Variants in RPN2 observed in about 807,000 individuals in gnomAD.
The protein encoded by RPN2 is ribophorin II.
In RPN2, 29 loss-of-function variants were observed where a neutral mutation model predicts 71.4. The observed-to-expected ratio is 0.41, with a 90% CI of 0.30 to 0.55. RPN2 has a LOEUF of 0.55. RPN2 is among the 20% of genes least tolerant of loss of function. The probability of loss-of-function intolerance (pLI) is 0.35; values close to 1 mark genes in which losing one functional copy is unlikely to be tolerated. For missense variants in RPN2, 726 were observed against 774.1 expected (o/e 0.94, Z 0.74); for synonymous variants, 308 against 305.0 (o/e 1.01, Z -0.10).
chr20:37,230,966 T>C (rs2068228066), intron 13 of RPN2, among the ~76,000 whole-genome samples: 1 of 151,674 alleles, frequency 6.6e-6, no homozygotes, highest in Non-Finnish European at 1.5e-5. Context: ...AACAGGAGGC[T>C]CAAGTGGGGC....
chr20:37,230,372 T>A (rs1469915109), intron 13 of RPN2, among the ~76,000 whole-genome samples: 1 of 152,216 alleles, frequency 6.6e-6, no homozygotes, highest in Non-Finnish European at 1.5e-5. Context: ...TTCTAGCGTT[T>A]ATCCTCCCTG....
At chr20:37,239,713 A>C (rs1442360601) in intron 16 of RPN2, among the ~76,000 whole-genome samples, 1 of 152,110 alleles carries the variant, frequency 6.6e-6, no homozygotes, top group East Asian at 1.9e-4. Flanking sequence ...CCACCACCTC[A>C]GTCAAGATAT....
chr20:37,192,371 T>G (rs532649056), intron 2 of RPN2, among the ~76,000 whole-genome samples: 3 of 152,306 alleles, frequency 2.0e-5, no homozygotes, highest in African/African-American at 7.2e-5. Flanking sequence ...TCATTATCCA[T>G]TGAGAGTACC....
rs768577616 is a variant in RPN2 at position 37,210,162 on chromosome 20, T to C, written c.983T>C (p.Val328Ala). The C allele has an allele frequency of 6.2e-7, 1 of 1,613,978 alleles. No homozygotes were observed. Among genetic ancestry groups the C allele is most frequent in the East Asian group, 2.2e-5 (1 of 44,886 alleles). Residue 328 changes from valine (V) to alanine (A), a missense_variant, in exon 8 of 17, where the codon GTA becomes GCA. Coordinates refer to ENST00000237530, the MANE Select transcript of RPN2 (RefSeq NM_002951.5). ...CTCCAGAAGACATCCTTCACCCCTG[T>C]AGGGTAAGTCCTGATCATATTTTGG... ...TVLQKTSFTP[V>A]GDVFELNFMN...
chr20:37,209,964 A>G, intron 7 of RPN2, 83 bp from the exon 8 acceptor site: 1 of 1,588,816 alleles, frequency 6.3e-7, no homozygotes, highest in Non-Finnish European at 8.5e-7. Flanking sequence ...AGAGCTTGCA[A>G]CCTATAGATA....
chr20:37,234,510 C>A (rs1198223131), intron 15 of RPN2, among the ~76,000 whole-genome samples: 2 of 152,208 alleles, frequency 1.3e-5, no homozygotes, highest in African/African-American at 4.8e-5. Flanking sequence ...AGAAAACAGT[C>A]CTTTCCACAG....
intron 9 of RPN2, among the ~76,000 whole-genome samples, chr20:37,217,680 G>A (rs1300678748): frequency 6.6e-6 from 1 of 151,968 alleles, no homozygotes; most frequent in Non-Finnish European, 1.5e-5. Context: ...TTTCCACATT[G>A]CAGGCCCTTC....
At position 37,236,575 on chromosome 20, in the gene RPN2, T is replaced by G. The variant is rs1449559724; in HGVS notation, c.1754-5T>G. ...AATTGGATGTCATGACACCTCTTCT[T>G]GCAGCTATGCTGGGACTCATGTATG... On this transcript the variant is annotated splice_region_variant and splice_polypyrimidine_tract_variant and intron_variant, in intron 15 of 16. Transcript: ENST00000237530. 2 of 1,614,096 alleles carry G rather than the reference T, an allele frequency of 1.2e-6. No individual in the cohort carries two copies. The highest frequency in any genetic ancestry group is 1.7e-6 in the Non-Finnish European group (2 of 1,179,976).
At chr20:37,220,952 G>T (rs1293075757) in intron 9 of RPN2, among the ~76,000 whole-genome samples, 1 of 152,108 alleles carries the variant, frequency 6.6e-6, no homozygotes, top group Non-Finnish European at 1.5e-5. Context: ...TTAAAATTGG[G>T]GCTGAGAGCA....
chr20:37,230,215 G>A (rs901982352), intron 13 of RPN2, among the ~76,000 whole-genome samples, 156 bp downstream of exon 13: 2 of 152,182 alleles, frequency 1.3e-5, no homozygotes, highest in African/African-American at 2.4e-5. Flanking sequence ...CCCCATCCTT[G>A]AACTGAGAAA....
chr20:37,198,628 T>TTC, intron 3 of RPN2, 136 bp downstream of exon 3: 1 of 1,464,722 alleles, frequency 6.8e-7, no homozygotes, highest in South Asian at 1.3e-5. Context: ...TCCTGTGATT[T>TTC]TTTTTTTCCT....
chr20:37,201,978 T>C (rs1305696186), intron 4 of RPN2, among the ~76,000 whole-genome samples: 1 of 152,236 alleles, frequency 6.6e-6, no homozygotes, highest in Non-Finnish European at 1.5e-5. Flanking sequence ...ATCTGCTTTC[T>C]TAGTGTTCGA....
chr20:37,228,406 A>T (rs2068135691), intron 11 of RPN2, 144 bp from the exon 12 acceptor site: 3 of 777,394 alleles, frequency 3.9e-6, no homozygotes, highest in South Asian at 3.1e-5. Context: ...CACTCCTTCT[A>T]CTCTCTGGGG....
rs568445438 is a variant in RPN2, at chr20:37,199,890, A to G, written c.479+665A>G. Among the ~76,000 whole-genome samples the G allele has an allele frequency of 1.7e-4, 26 of 152,230 alleles. 1 individual carries two copies. The South Asian group carries it at 3.7e-3, about 22-fold the overall frequency. ...ACTCTGTCACCCAGGCTGAAGTGCA[A>G]TGGTATGATCAAACTCACTGCAGCC... On this transcript the variant is annotated intron_variant, in intron 4 of 16. Coordinates refer to ENST00000237530, the MANE Select transcript of RPN2 (RefSeq NM_002951.5).
chr20:37,211,896 C>T (rs1344925349), intron 8 of RPN2, among the ~76,000 whole-genome samples: 1 of 151,924 alleles, frequency 6.6e-6, no homozygotes, highest in Non-Finnish European at 1.5e-5. Flanking sequence ...TGCCACCATG[C>T]CCGGCTAATT....
chr20:37,228,403 T>C (rs1177781721), intron 11 of RPN2, 147 bp from the exon 12 acceptor site: 1 of 768,528 alleles, frequency 1.3e-6, no homozygotes, highest in Non-Finnish European at 2.2e-6. Context: ...GGCCACTCCT[T>C]CTACTCTCTG....
At chr20:37,198,635 T>G (rs1415634485) in intron 3 of RPN2, 143 bp downstream of exon 3, 2 of 1,452,870 alleles carry the variant, frequency 1.4e-6, no homozygotes, top group Non-Finnish European at 1.8e-6. Flanking sequence ...ATTTTTTTTT[T>G]CCTTAAGAAA....
At chr20:37,208,800 A>ATT (rs1568979290) in intron 7 of RPN2, among the ~76,000 whole-genome samples, 1 of 152,240 alleles carries the variant, frequency 6.6e-6, no homozygotes, top group Non-Finnish European at 1.5e-5. Context: ...TTCATGAGAA[A>ATT]TTAGCATTTT....
At chr20:37,179,455 C>T in intron 1 of RPN2, 86 bp downstream of exon 1, 4 of 1,425,750 alleles carry the variant, frequency 2.8e-6, no homozygotes, top group Non-Finnish European at 3.7e-6. Context: ...CAGGCGGGAT[C>T]CCCTTCCCCT....
Sources: allele counts gnomAD v4.1 joint callset (sites outside exome capture counted in the v4.1 genomes callset), GRCh38; gene constraint gnomAD v4.1.1; transcripts MANE v1.5; gene names NCBI Gene and HGNC (gene_info 2026-07-23, HGNC 2026-07-21).